Variants in MSI2 observed in about 807,000 individuals in gnomAD.
The protein encoded by MSI2 is RNA-binding protein Musashi homolog 2.
A neutral mutation model predicts 45.6 loss-of-function variants in MSI2; 17 were observed. The ratio of observed to expected loss-of-function variants is 0.37; its 90% CI spans 0.26 to 0.56. MSI2 has a LOEUF of 0.56. MSI2 is among the 20% of genes least tolerant of loss of function. The probability of loss-of-function intolerance (pLI) is 0.77; values close to 1 mark genes in which losing one functional copy is unlikely to be tolerated. For missense variants in MSI2, 293 were observed against 444.2 expected, an observed-to-expected ratio of 0.66 and a Z score of 3.06; for synonymous variants, 156 against 158.2, an observed-to-expected ratio of 0.99 and a Z score of 0.11.
At chr17:57,460,466 A>G (rs1436900984) in intron 6 of MSI2, among the ~76,000 whole-genome samples, 2 of 152,058 alleles carry the variant, frequency 1.3e-5, no homozygotes, top group Non-Finnish European at 1.5e-5. Flanking sequence ...TAGGGAGGGA[A>G]AGTGGAAAAG....
intron 6 of MSI2, chr17:57,448,407 A>T (rs1487785440): frequency 6.6e-6 from 1 of 152,260 alleles, no homozygotes; most frequent in African/African-American, 2.4e-5. Flanking sequence ...CCGTGAGGCA[A>T]AATGAACAGG....
chr17:57,435,181 T>C (rs1382539844), intron 6 of MSI2, among the ~76,000 whole-genome samples: 4 of 152,116 alleles, frequency 2.6e-5, no homozygotes, highest in Non-Finnish European at 5.9e-5. Context: ...AAGGCAAGTC[T>C]CTCTCAGAAG....
chr17:57,514,176 G>A (rs910458525), intron 6 of MSI2, among the ~76,000 whole-genome samples: 1 of 151,878 alleles, frequency 6.6e-6, no homozygotes, highest in Non-Finnish European at 1.5e-5. Flanking sequence ...GGTCTTGAGA[G>A]TAATAGCGCC....
chr17:57,550,339 G>C (rs947379459), intron 7 of MSI2, among the ~76,000 whole-genome samples: 3 of 152,102 alleles, frequency 2.0e-5, no homozygotes, highest in African/African-American at 7.2e-5. Flanking sequence ...TCTCCTTGAC[G>C]GACACCCCCG....
chr17:57,418,420 G>C (rs1357572241), intron 6 of MSI2, among the ~76,000 whole-genome samples: 3 of 152,202 alleles, frequency 2.0e-5, no homozygotes, highest in African/African-American at 7.2e-5. Context: ...CAAGATATTT[G>C]GAAAAATCTT....
intron 5 of MSI2, among the ~76,000 whole-genome samples, chr17:57,355,240 C>T (rs1183715320): frequency 6.6e-6 from 1 of 152,166 alleles, no homozygotes; most frequent in Non-Finnish European, 1.5e-5. Context: ...GGTGAAGTGG[C>T]CGTCAGGATT....
intron 5 of MSI2, among the ~76,000 whole-genome samples, chr17:57,286,274 T>C (rs1909866969): frequency 6.6e-6 from 1 of 152,042 alleles, no homozygotes; most frequent in Non-Finnish European, 1.5e-5. Context: ...TTTTAAGTGT[T>C]TTAGGGGGAA....
intron 6 of MSI2, among the ~76,000 whole-genome samples, chr17:57,526,356 GGTGTGTGTGTGTGTGTGTGTGTGTGTGT>G (rs71143203): frequency 0.17 from 21,401 of 122,540 alleles, 1,637 homozygotes; most frequent in Middle Eastern, 0.24. Context: ...GATATACCTG[GGTGTGTGTGTGTGTGTGTGTGTGTGTGT>G]GTGTGTGTGT....
chr17:57,511,941 A>G (rs1026484239), intron 6 of MSI2, among the ~76,000 whole-genome samples: 4 of 152,068 alleles, frequency 2.6e-5, no homozygotes, highest in African/African-American at 9.7e-5. Flanking sequence ...CCAGACACAC[A>G]CACCTGCTGC....
chr17:57,379,386 C>A (rs1488519678), intron 5 of MSI2, among the ~76,000 whole-genome samples: 1 of 148,848 alleles, frequency 6.7e-6, no homozygotes, highest in East Asian at 2.1e-4. Flanking sequence ...TGTCTTTATT[C>A]AATTTGACTG....
At chr17:57,367,419 A>G (rs1177526423) in intron 5 of MSI2, among the ~76,000 whole-genome samples, 1 of 152,112 alleles carries the variant, frequency 6.6e-6, no homozygotes. Context: ...TGAATGAGGT[A>G]TATGTTGTGA....
intron 5 of MSI2, among the ~76,000 whole-genome samples, chr17:57,310,719 T>A (rs1912325252): frequency 6.6e-6 from 1 of 152,184 alleles, no homozygotes; most frequent in African/African-American, 2.4e-5. Flanking sequence ...GGCCTCAGTT[T>A]ACCTACCAGT....
chr17:57,374,813 G>A (rs1430934240), intron 5 of MSI2, among the ~76,000 whole-genome samples: 1 of 152,114 alleles, frequency 6.6e-6, no homozygotes, highest in African/African-American at 2.4e-5. Context: ...GCTTATCTTT[G>A]ATCTAGCAAG....
intron 5 of MSI2, among the ~76,000 whole-genome samples, chr17:57,286,964 G>T (rs1335769413): frequency 6.6e-6 from 1 of 152,042 alleles, no homozygotes. Flanking sequence ...CAGAAACAAA[G>T]CAAGGCCTAG....
At chr17:57,463,037 A>G (rs1027100097) in intron 6 of MSI2, among the ~76,000 whole-genome samples, 1 of 152,232 alleles carries the variant, frequency 6.6e-6, no homozygotes, top group African/African-American at 2.4e-5. Flanking sequence ...AAGGAGCTGC[A>G]GTTTTCATCG....
chr17:57,538,035 G>T (rs915131623), intron 7 of MSI2, among the ~76,000 whole-genome samples: 1 of 152,122 alleles, frequency 6.6e-6, no homozygotes. Context: ...CCCAGAAGTG[G>T]TTTTTTTGTA....
At chr17:57,516,615 G>T (rs1194031968) in intron 6 of MSI2, among the ~76,000 whole-genome samples, 1 of 152,134 alleles carries the variant, frequency 6.6e-6, no homozygotes, top group East Asian at 1.9e-4. Context: ...GTGCATGCCG[G>T]GGCTGGAATG....
chr17:57,303,916 A>G (rs1460416256), intron 5 of MSI2, among the ~76,000 whole-genome samples: 2 of 152,222 alleles, frequency 1.3e-5, no homozygotes, highest in Admixed American at 1.3e-4. Flanking sequence ...AGGATTTCTC[A>G]GAAGAGGTGG....
At chr17:57,335,585 C>CCTA (rs1914636327) in intron 5 of MSI2, among the ~76,000 whole-genome samples, 1 of 152,180 alleles carries the variant, frequency 6.6e-6, no homozygotes, top group Non-Finnish European at 1.5e-5. Context: ...ACATAATGAG[C>CCTA]CTACTGTGTG....
Sources: allele counts gnomAD v4.1 joint callset (sites outside exome capture counted in the v4.1 genomes callset), GRCh38; gene constraint gnomAD v4.1.1; transcripts MANE v1.5; gene names NCBI Gene and HGNC (gene_info 2026-07-23, HGNC 2026-07-21).